RENBP: variants seen among roughly 807,000 people sequenced by gnomAD.
RENBP encodes the protein renin binding protein.
A neutral mutation model predicts 37.8 loss-of-function variants in RENBP; 16 were observed. The ratio of observed to expected loss-of-function variants is 0.42; its 90% CI spans 0.29 to 0.64. RENBP has a LOEUF of 0.64. Ranked by LOEUF, RENBP falls within the 30% of genes least tolerant of loss-of-function variation. The probability of loss-of-function intolerance (pLI) is 0.19; values close to 1 mark genes in which losing one functional copy is unlikely to be tolerated. For synonymous variants in RENBP, 170 were observed against 154.8 expected (o/e 1.10, Z -0.73); for missense variants, 347 against 379.5 (o/e 0.91, Z 0.71).
At chrX:153,939,252 T>C (rs2065216582) in intron 9 of RENBP, among the ~76,000 whole-genome samples, 1 of 111,541 alleles carries the variant, frequency 9.0e-6, no homozygotes, top group Non-Finnish European at 1.9e-5. Context: ...ACCCAGCTAA[T>C]TTTTTAAAAT....
intron 1 of RENBP, 61 bp from the exon 2 acceptor site, chrX:153,944,479 G>C: frequency 8.5e-7 from 1 of 1,171,198 alleles, no homozygotes; most frequent in Non-Finnish European, 1.2e-6. Context: ...CCCCAGCCTC[G>C]GGAACCAGCC....
intron 9 of RENBP, chrX:153,937,197 AAAAT>A (rs35246509): frequency 0.074 from 7,829 of 106,344 alleles, 747 homozygotes; most frequent in African/African-American, 0.25. Context: ...CCCTGTCTCA[AAAAT>A]AAATAAATAA....
intron 8 of RENBP, among the ~76,000 whole-genome samples, 198 bp downstream of exon 8, chrX:153,941,280 T>C (rs782478344): frequency 8.9e-6 from 1 of 111,756 alleles, no homozygotes; most frequent in South Asian, 3.8e-4. Context: ...CTGAATTCTT[T>C]CTTGGGCAAG....
At chrX:153,942,203 T>A in intron 6 of RENBP, 172 bp from the exon 7 acceptor site, 1 of 390,651 alleles carries the variant, frequency 2.6e-6, no homozygotes, top group Non-Finnish European at 4.5e-6. Flanking sequence ...AGGGGCTGAT[T>A]CACTCCCTTG....
intron 8 of RENBP, 87 bp downstream of exon 8, chrX:153,941,391 A>G: frequency 1.0e-6 from 1 of 990,053 alleles, no homozygotes; most frequent in Non-Finnish European, 1.4e-6. Flanking sequence ...ATCCAGCCCC[A>G]GGTTACCCTC....
At chrX:153,942,622 G>A (rs2065232123) in intron 6 of RENBP, 3 of 424,491 alleles carry the variant, frequency 7.1e-6, no homozygotes, top group Admixed American at 4.3e-5. Context: ...CAGACAGGGC[G>A]GGTTTCACGG....
At chrX:153,943,766 G>T in intron 4 of RENBP, 48 bp from the exon 5 acceptor site, 1 of 1,186,025 alleles carries the variant, frequency 8.4e-7, no homozygotes, top group Non-Finnish European at 1.1e-6. Context: ...AGGACGCCCC[G>T]CACACACCAC....
chrX:153,938,791 TTTTTG>T lies in RENBP; in HGVS notation c.1077+1306_1077+1310del, dbSNP rs1484169959. On this transcript the variant is annotated intron_variant, in intron 9 of 10. Coordinates refer to ENST00000393700, the MANE Select transcript of RENBP (RefSeq NM_002910.6). ...CAGCAGCATCTGTACTGTTTTTTTT[TTTTTG>T]TTTTTTTTTTTTTTGAGACCAAGTC... Among the ~76,000 whole-genome samples, 5 of 90,910 alleles carry T rather than the reference TTTTTG, an allele frequency of 5.5e-5. 1 individual carries two copies. Among genetic ancestry groups the T allele is most frequent in the African/African-American group, 1.1e-4 (2 of 18,486 alleles). 78.9% of individuals were successfully genotyped at this position (90,910 alleles called of 115,157 possible). A position where few individuals can be genotyped will look rare whatever the true frequency, so the allele number is the denominator to read the frequency against.
chrX:153,939,440 G>A (rs782341469), intron 9 of RENBP, among the ~76,000 whole-genome samples: 20 of 111,845 alleles, frequency 1.8e-4, no homozygotes, highest in Non-Finnish European at 3.6e-4. Flanking sequence ...AGATCTCTCC[G>A]TCTGAACTGG....
At chrX:153,937,109 A>G in intron 9 of RENBP, 1 of 117,104 alleles carries the variant, frequency 8.5e-6, no homozygotes, top group South Asian at 3.2e-4. Flanking sequence ...GCTGAGGTGG[A>G]AGGATCGCTT....
At chrX:153,940,021 G>A (rs781866999) in intron 9 of RENBP, 81 bp downstream of exon 9, 153 of 1,097,847 alleles carry the variant, frequency 1.4e-4, no homozygotes, top group Non-Finnish European at 1.9e-4. Flanking sequence ...TGTGCTCAGC[G>A]AGGGGGCAAG....
intron 4 of RENBP, 68 bp from the exon 5 acceptor site, chrX:153,943,786 TC>T: frequency 1.7e-6 from 2 of 1,178,933 alleles, no homozygotes; most frequent in Admixed American, 4.4e-5. Context: ...CCCTTGAGCC[TC>T]CCCAAGTCCT....
At chrX:153,937,966 G>T (rs948081349) in intron 9 of RENBP, among the ~76,000 whole-genome samples, 10 of 111,331 alleles carry the variant, frequency 9.0e-5, no homozygotes. Flanking sequence ...CCTGACCTCA[G>T]GTGATCCACC....
At chrX:153,942,230 GTTTTTTTTTTT>G (rs782716689) in intron 6 of RENBP, 199 bp from the exon 7 acceptor site, 91 of 96,077 alleles carry the variant, frequency 9.5e-4, no homozygotes, top group Non-Finnish European at 1.3e-3. Flanking sequence ...GCAAGTTGTT[GTTTTTTTTTTT>G]TTTTTTTTTT....
chrX:153,944,189 G>C lies in RENBP; in HGVS notation c.138-34C>G, dbSNP rs868912490. 34 of 1,190,463 alleles carry C rather than the reference G, an allele frequency of 2.9e-5. No individual in the cohort carries two copies. In the Middle Eastern group the frequency reaches 4.4e-3, roughly 155 times the overall value. On this transcript the variant is annotated intron_variant, in intron 2 of 10. Transcript: ENST00000393700. ...AGGCAGGGTTAGCAAAGTCTGGAAC[G>C]GGCCTTGCCAGCCCCTCCTGCCCCT...
chrX:153,936,695 C>G (rs1569546380), intron 9 of RENBP, among the ~76,000 whole-genome samples: 1 of 110,443 alleles, frequency 9.1e-6, no homozygotes, highest in South Asian at 3.8e-4. Context: ...AACTCATCTC[C>G]TCCTCCCTCT....
chrX:153,941,620 C>T lies in RENBP; in HGVS notation c.803G>A (p.Arg268His), dbSNP rs781880066. The change falls in exon 8 of 11, where the codon CGT (arginine) becomes CAT (histidine). Residue 268 changes from arginine (R) to histidine (H), a missense_variant. By Grantham distance (29) the Arg-to-His change is conservative. This residue lies in a region of RENBP where 244 missense variants were observed against 279.4 expected (regional missense o/e 0.87). Coordinates refer to ENST00000393700, the MANE Select transcript of RENBP (RefSeq NM_002910.6). ...GGGGTCGCCTTTCCGAATGCAATGA[C>T]GGAGCAGAAACCAGCCGGCTTCCAG... ...HTLEAGWFLLRHCIRKGDPEL... is the reference protein window; with the variant it reads ...HTLEAGWFLLHHCIRKGDPEL... The T allele has an allele frequency of 2.6e-5, 31 of 1,197,330 alleles. No homozygotes were observed. The highest frequency in any genetic ancestry group is 1.6e-4 in the Admixed American group (7 of 43,765).
At chrX:153,939,970 C>T (rs1229863006) in intron 9 of RENBP, 132 bp downstream of exon 9, 12 of 827,069 alleles carry the variant, frequency 1.5e-5, no homozygotes, top group African/African-American at 2.1e-5. Flanking sequence ...ACTGAACGAA[C>T]AGCACTGGGG....
chrX:153,942,472 G>A (rs2269373), intron 6 of RENBP: 66,434 of 217,705 alleles, frequency 0.31, 10,402 homozygotes, highest in East Asian at 0.75. Context: ...CCTGACCTCA[G>A]GTGATCCGCC....
Sources: allele counts gnomAD v4.1 joint callset (sites outside exome capture counted in the v4.1 genomes callset), GRCh38; gene constraint gnomAD v4.1.1; regional missense constraint gnomAD v4.1.1; transcripts MANE v1.5; gene names NCBI Gene and HGNC (gene_info 2026-07-23, HGNC 2026-07-21).